The following PPP2R5A variants were observed in gnomAD, a reference collection of about 807,000 sequenced individuals.
PPP2R5A encodes the protein serine/threonine-protein phosphatase 2A 56 kDa regulatory subunit alpha isoform.
In PPP2R5A, 25 loss-of-function variants were observed where a neutral mutation model predicts 64.2. The observed-to-expected ratio is 0.39, with a 90% confidence interval of 0.28 to 0.54. The LOEUF is 0.54. PPP2R5A is among the 20% of genes least tolerant of loss of function. The pLI, the probability that PPP2R5A is intolerant of heterozygous loss-of-function variation, is 0.67. For synonymous variants in PPP2R5A, 198 were observed against 201.2 expected (o/e 0.98, Z 0.13); for missense variants, 425 against 576.3 (o/e 0.74, Z 2.69).
At position 212,361,820 on chromosome 1, in the gene PPP2R5A, GA is replaced by G. The variant is rs532098405; in HGVS notation, c.*1051del. 1.6e-4 allele frequency: 24 copies of G among 152,746 alleles called. No individual in the cohort carries two copies. Among genetic ancestry groups the G allele is most frequent in the African/African-American group, 4.1e-4 (17 of 41,574 alleles). 9.5% of individuals were successfully genotyped at this position (152,746 alleles called of 1,614,324 possible). A position where few individuals can be genotyped will look rare whatever the true frequency, so the allele number is the denominator to read the frequency against. ...TTGTAATGAAAGATCTTCATTGGGG[GA>G]TTGAGCAGCATTTAATAAAGTCTAT... On this transcript the variant is annotated 3_prime_UTR_variant, in exon 13 of 13. Transcript: ENST00000261461.
chr1:212,332,330 T>C (rs1659518642), intron 2 of PPP2R5A, among the ~76,000 whole-genome samples: 1 of 152,224 alleles, frequency 6.6e-6, no homozygotes, highest in South Asian at 2.1e-4. Context: ...ACCTCTGGAA[T>C]AGTTTGTCTC....
chr1:212,322,755 T>TTTTA (rs59766947), intron 1 of PPP2R5A, among the ~76,000 whole-genome samples: 43,574 of 146,848 alleles, frequency 0.3, 6,556 homozygotes, highest in African/African-American at 0.34. Flanking sequence ...TTAATTCTCA[T>TTTTA]TTTATTTATT....
At chr1:212,286,350 G>A (rs1233959534) in intron 1 of PPP2R5A, 59 bp downstream of exon 1, 18 of 1,392,942 alleles carry the variant, frequency 1.3e-5, no homozygotes, top group Non-Finnish European at 1.6e-5. Flanking sequence ...GCTTGCCTCT[G>A]CGCCAGCAGA....
At chr1:212,342,106 G>C (rs953822725) in intron 3 of PPP2R5A, 82 bp from the exon 4 acceptor site, 1 of 1,501,486 alleles carries the variant, frequency 6.7e-7, no homozygotes, top group African/African-American at 1.4e-5. Context: ...GGTAAGAAAA[G>C]GTGTGTTTTT....
intron 1 of PPP2R5A, among the ~76,000 whole-genome samples, chr1:212,306,055 C>T (rs1352263175): frequency 2.0e-5 from 3 of 152,184 alleles, no homozygotes; most frequent in African/African-American, 7.2e-5. Context: ...AACAAAGGGG[C>T]ACGAGAGCCT....
chr1:212,322,199 C>T (rs1276646394), intron 1 of PPP2R5A, among the ~76,000 whole-genome samples: 5 of 98,320 alleles, frequency 5.1e-5, no homozygotes, highest in East Asian at 2.9e-4. Context: ...AGAGGGAGAC[C>T]GTGGGGAGAG....
chr1:212,333,951 G>C (rs1253742152), intron 3 of PPP2R5A: 1 of 166,268 alleles, frequency 6.0e-6, no homozygotes, highest in African/African-American at 2.4e-5. Context: ...TCTCTTTACA[G>C]CCCCTGACAA....
chr1:212,355,303 G>T (rs1297397150), intron 8 of PPP2R5A, among the ~76,000 whole-genome samples: 2 of 151,312 alleles, frequency 1.3e-5, no homozygotes, highest in Non-Finnish European at 1.5e-5. Context: ...AAGTTTTAAG[G>T]GATATATAAA....
At chr1:212,291,702 A>T (rs1658604876) in intron 1 of PPP2R5A, among the ~76,000 whole-genome samples, 1 of 152,146 alleles carries the variant, frequency 6.6e-6, no homozygotes, top group African/African-American at 2.4e-5. Context: ...TGCCCCCTAT[A>T]GCTTATTAGC....
intron 1 of PPP2R5A, among the ~76,000 whole-genome samples, chr1:212,289,550 A>G (rs1055052239): frequency 2.0e-5 from 3 of 152,148 alleles, no homozygotes; most frequent in Non-Finnish European, 1.5e-5. Flanking sequence ...AATTTGAAGC[A>G]GTGTGATAGA....
intron 1 of PPP2R5A, among the ~76,000 whole-genome samples, chr1:212,300,002 C>T (rs1044578047): frequency 6.6e-6 from 1 of 151,926 alleles, no homozygotes; most frequent in Non-Finnish European, 1.5e-5. Context: ...TAGTAGATAA[C>T]GGGGTTTTGC....
chr1:212,314,406 G>T (rs756829197), intron 1 of PPP2R5A, among the ~76,000 whole-genome samples: 5 of 151,710 alleles, frequency 3.3e-5, no homozygotes, highest in Admixed American at 2.6e-4. Flanking sequence ...TTTAAGATGG[G>T]TTCTTAAAAA....
At chr1:212,310,170 T>C (rs1659001381) in intron 1 of PPP2R5A, among the ~76,000 whole-genome samples, 1 of 152,226 alleles carries the variant, frequency 6.6e-6, no homozygotes, top group Admixed American at 6.5e-5. Context: ...TTTTCAATAA[T>C]GCTTTGGGGC....
intron 1 of PPP2R5A, among the ~76,000 whole-genome samples, chr1:212,295,002 G>A (rs887414233): frequency 3.3e-5 from 5 of 152,170 alleles, no homozygotes; most frequent in African/African-American, 9.6e-5. Flanking sequence ...ACATAGCTGT[G>A]ATCTAGAATA....
At chr1:212,330,375 T>A (rs545941456) in intron 2 of PPP2R5A, among the ~76,000 whole-genome samples, 1 of 151,422 alleles carries the variant, frequency 6.6e-6, no homozygotes, top group South Asian at 2.1e-4. Context: ...CAAAAAGTAC[T>A]AAAAATAAAA....
At chr1:212,320,519 C>A (rs1027431659) in intron 1 of PPP2R5A, among the ~76,000 whole-genome samples, 10 of 151,834 alleles carry the variant, frequency 6.6e-5, no homozygotes, top group African/African-American at 2.4e-4. Flanking sequence ...CCAGTAGGGG[C>A]GGCCGGGCAG....
intron 1 of PPP2R5A, among the ~76,000 whole-genome samples, chr1:212,295,100 A>G (rs537440721): frequency 1.3e-5 from 2 of 152,306 alleles, no homozygotes; most frequent in Non-Finnish European, 2.9e-5. Flanking sequence ...TCTTGTTGCT[A>G]TGTTGAAGAA....
chr1:212,292,076 T>C (rs1234806563), intron 1 of PPP2R5A, among the ~76,000 whole-genome samples: 1 of 152,364 alleles, frequency 6.6e-6, no homozygotes, highest in African/African-American at 2.4e-5. Context: ...TCTTGAACTT[T>C]ACTGCGTTTT....
chr1:212,324,603 ATT>A (rs112302137), intron 1 of PPP2R5A, among the ~76,000 whole-genome samples: 11 of 143,406 alleles, frequency 7.7e-5, no homozygotes, highest in Non-Finnish European at 9.2e-5. Flanking sequence ...ATTATGATTA[ATT>A]TTTTTTTTTT....
Sources: gnomAD v4.1 joint callset for allele counts (sites outside exome capture counted in the v4.1 genomes callset) on GRCh38, gnomAD v4.1.1 for gene constraint, MANE v1.5 for transcripts, NCBI Gene and HGNC (gene_info 2026-07-23, HGNC 2026-07-21) for gene names.